The following ZNF639 variants were observed in gnomAD, a reference collection of about 807,000 sequenced individuals.
The protein encoded by ZNF639 is zinc finger protein 639, also known as zinc finger amplified in esophageal squamous cell carcinomas 1.
In ZNF639, 20 loss-of-function variants were observed where a neutral mutation model predicts 39.8. That is an observed-to-expected ratio of 0.50 (90% CI 0.35 to 0.73). ZNF639 has a LOEUF of 0.73. Ranked by LOEUF, ZNF639 falls within the 30% of genes least tolerant of loss-of-function variation. The pLI is 0.00. For missense variants in ZNF639, 477 were observed against 566.2 expected (o/e 0.84, Z 1.60); for synonymous variants, 176 against 189.8 (o/e 0.93, Z 0.60).
Position 179,334,045 on chromosome 3 carries a change from C to T in ZNF639, c.1081C>T (p.Leu361Phe). Residue 361 changes from leucine (L) to phenylalanine (F), a missense_variant, in exon 6 of 6, where the codon CTC becomes TTC. Physicochemically the swap from Leu to Phe is conservative, Grantham distance 22. Transcript: ENST00000496856. ...CAATGGTGAACATGGACAGTATAGC[C>T]TCTTAAGCAAAATTACCTTTGACAA... Reference protein sequence around the residue: ...YNNGEHGQYSLLSKITFDKCK... With the variant: ...YNNGEHGQYSFLSKITFDKCK... 2 of 1,613,912 alleles carry T rather than the reference C, an allele frequency of 1.2e-6. No individual in the cohort carries two copies. Among genetic ancestry groups the T allele is most frequent in the South Asian group, 2.2e-5 (2 of 91,022 alleles).
chr3:179,329,632 A>C lies in ZNF639; in HGVS notation c.73A>C (p.Ser25Arg). 1 of 1,601,620 alleles carries C rather than the reference A, an allele frequency of 6.2e-7. No homozygotes were observed. Among genetic ancestry groups the C allele is most frequent in the South Asian group, 1.1e-5 (1 of 89,630 alleles). The change falls in exon 4 of 6, where the codon AGC (serine) becomes CGC (arginine). Residue 25 changes from serine to arginine, a missense_variant. Coordinates refer to ENST00000496856, the MANE Select transcript of ZNF639 (RefSeq NM_001303426.2). ...TTTATGTTCAGATTCCTCTGGAATA[A>C]GCAGAATTGCAGATGGATTCAATGG... ...PSRYSDSSGI[S>R]RIADGFNGIF...
Position 179,323,379 on chromosome 3 carries a change from C to T in ZNF639, c.-83+88C>T, listed in dbSNP as rs1024365661. 1.1e-5 allele frequency: 11 copies of T among 985,462 alleles called. No homozygotes were observed. The African/African-American group carries it at 1.2e-4, about 11-fold the overall frequency. 61.0% of individuals were successfully genotyped at this position (985,462 alleles called of 1,614,324 possible). A position where few individuals can be genotyped will look rare whatever the true frequency, so the allele number is the denominator to read the frequency against. On this transcript the variant is annotated intron_variant, in intron 1 of 5. Coordinates refer to ENST00000496856, the MANE Select transcript of ZNF639 (RefSeq NM_001303426.2). ...GGGCGCATCTTCTAACGGGAGAGGG[C>T]GGGAGAGACCGGAGCTCCCTTTATA...
intron 1 of ZNF639, among the ~76,000 whole-genome samples, chr3:179,324,595 A>G (rs1269855443): frequency 1.3e-5 from 2 of 152,238 alleles, no homozygotes; most frequent in Non-Finnish European, 2.9e-5. Flanking sequence ...GGTCTTGAGT[A>G]GGCATCACCA....
At chr3:179,331,665 C>T (rs1727917067) in intron 4 of ZNF639, among the ~76,000 whole-genome samples, 1 of 150,908 alleles carries the variant, frequency 6.6e-6, no homozygotes, top group Non-Finnish European at 1.5e-5. Flanking sequence ...ATCCCAGCTA[C>T]TCGGGAGGCT....
intron 1 of ZNF639, among the ~76,000 whole-genome samples, chr3:179,325,545 T>A (rs1265585635): frequency 3.9e-5 from 6 of 152,248 alleles, no homozygotes; most frequent in Non-Finnish European, 7.3e-5. Context: ...CTCCTCCATG[T>A]ACCGCACAGG....
At chr3:179,331,468 A>G (rs768889248) in intron 4 of ZNF639, among the ~76,000 whole-genome samples, 1 of 152,126 alleles carries the variant, frequency 6.6e-6, no homozygotes, top group East Asian at 1.9e-4. Context: ...TACAAAAGGT[A>G]AAGTATGGAA....
intron 3 of ZNF639, among the ~76,000 whole-genome samples, chr3:179,329,080 A>G (rs990330563): frequency 6.6e-6 from 1 of 152,156 alleles, no homozygotes; most frequent in African/African-American, 2.4e-5. Context: ...GGCCATCTCT[A>G]ATACACCTCG....
In ZNF639 at chr3:179,333,937, G is replaced by T; in HGVS notation, c.973G>T (p.Glu325Ter). 6.2e-7 allele frequency: 1 copy of T among 1,614,152 alleles called. No individual in the cohort carries two copies. Among genetic ancestry groups the T allele is most frequent in the Non-Finnish European group, 8.5e-7 (1 of 1,180,030 alleles). Residue 325 changes from glutamate to a stop codon, truncating the protein, a stop_gained, in exon 6 of 6, where the codon GAA becomes TAA. Coordinates refer to ENST00000496856, the MANE Select transcript of ZNF639 (RefSeq NM_001303426.2). LOFTEE classifies it high-confidence loss of function. Reference protein sequence around the residue: ...EQYLCQFCEHETNDPEDLHSH... With the variant: ...EQYLCQFCEH ...GTACTTGTGTCAGTTCTGTGAACAT[G>T]AAACTAATGATCCAGAAGACTTGCA... is the stretch of plus-strand genomic sequence containing the variant.
In ZNF639 at chr3:179,333,395, T is replaced by G; in HGVS notation, c.431T>G (p.Val144Gly). Residue 144 changes from valine (V) to glycine (G), a missense_variant, in exon 6 of 6, where the codon GTG (valine) becomes GGG (glycine). By Grantham distance (109) the Val-to-Gly change is moderately radical. Transcript: ENST00000496856. ...GAAGATGTTCCAATTGCTGTAGAAG[T>G]GCATGCGATTTCTGAGGATTATGAT... ...TAEDVPIAVE[V>G]HAISEDYDIE... 1 of 1,614,106 alleles carries G rather than the reference T, an allele frequency of 6.2e-7. No individual in the cohort carries two copies. Among genetic ancestry groups the G allele is most frequent in the South Asian group, 1.1e-5 (1 of 91,078 alleles).
chr3:179,324,929 CTT>C (rs1430919449), intron 1 of ZNF639: 1 of 152,202 alleles, frequency 6.6e-6, no homozygotes, highest in African/African-American at 2.4e-5. Context: ...TAGCTCTTCT[CTT>C]TTTGATTTTT....
chr3:179,328,315 A>G lies in ZNF639; in HGVS notation c.22A>G (p.Arg8Gly). 6.3e-7 allele frequency: 1 copy of G among 1,586,328 alleles called. No homozygotes were observed. The highest frequency in any genetic ancestry group is 2.3e-5 in the East Asian group (1 of 44,426). The change falls in exon 3 of 6, where the codon AGA (arginine) becomes GGA (glycine). Residue 8 changes from arginine to glycine, a missense_variant. Arg to Gly is a moderately radical substitution (Grantham distance 125, BLOSUM62 -2). Transcript: ENST00000496856. The stretch of plus-strand genomic sequence containing the variant: ...AGATATGAATGAGTATCCTAAAAAA[A>G]GAAAAAGGAAGACTCTACACCCTTC... MNEYPKKRKRKTLHPSRY... is the reference protein window; with the variant it reads MNEYPKKGKRKTLHPSRY...
intron 1 of ZNF639, among the ~76,000 whole-genome samples, chr3:179,324,627 T>C (rs1424850476): frequency 1.3e-5 from 2 of 152,234 alleles, no homozygotes; most frequent in Non-Finnish European, 1.5e-5. Context: ...GGAAGTCCGA[T>C]AGACATTTGG....
intron 3 of ZNF639, 84 bp from the exon 4 acceptor site, chr3:179,329,534 C>T: frequency 1.3e-6 from 1 of 758,182 alleles, no homozygotes; most frequent in Non-Finnish European, 2.3e-6. Flanking sequence ...ACATTAAGAA[C>T]ATTTGTATAA....
Position 179,334,533 on chromosome 3 carries a change from A to G in ZNF639, c.*111A>G, listed in dbSNP as rs1388055839. On this transcript the variant is annotated 3_prime_UTR_variant, in exon 6 of 6. Coordinates refer to ENST00000496856, the MANE Select transcript of ZNF639 (RefSeq NM_001303426.2). The stretch of plus-strand genomic sequence containing the variant: ...CAACTTATGAAATCTGCCTTTAACA[A>G]GTAACTTTTTTAAATTATAAAATTT... 2.5e-6 allele frequency: 2 copies of G among 786,384 alleles called. No individual in the cohort carries two copies. Among genetic ancestry groups the G allele is most frequent in the African/African-American group, 3.6e-5 (2 of 55,234 alleles). 48.7% of individuals were successfully genotyped at this position (786,384 alleles called of 1,614,324 possible).
rs576170724 is a variant in ZNF639 at position 179,336,090 on chromosome 3, C to A, written c.*1668C>A. The A allele has an allele frequency of 6.6e-6, 1 of 152,094 alleles. No individual in the cohort carries two copies. Among genetic ancestry groups the A allele is most frequent in the African/African-American group, 2.4e-5 (1 of 41,410 alleles). The allele number at this position is 152,094 out of a possible 1,614,324, so 9.4% of individuals were successfully genotyped here. On this transcript the variant is annotated 3_prime_UTR_variant, in exon 6 of 6. Transcript: ENST00000496856. Reference sequence around the variant, plus strand: ...ACAGGCATGAGGCACCGCCCCAGGCCAAATTTCTTGTTTTTATAAAGACTC... The same window carrying A: ...ACAGGCATGAGGCACCGCCCCAGGCAAAATTTCTTGTTTTTATAAAGACTC...
chr3:179,338,134 T>G lies in ZNF639; in HGVS notation c.*3712T>G, dbSNP rs1048931685. 2.6e-5 allele frequency: 4 copies of G among 151,860 alleles called. No individual in the cohort carries two copies. The highest frequency in any genetic ancestry group is 5.9e-5 in the Non-Finnish European group (4 of 67,988). 9.4% of individuals were successfully genotyped at this position (151,860 alleles called of 1,614,324 possible). On this transcript the variant is annotated 3_prime_UTR_variant, in exon 6 of 6. Coordinates refer to ENST00000496856, the MANE Select transcript of ZNF639 (RefSeq NM_001303426.2). ...CTAAAAAAATTAACACTCCTGGTTT[T>G]GTTTTGTTTTTTGTTTTGTTTTACT...
chr3:179,327,393 A>G (rs1727657282), intron 1 of ZNF639, among the ~76,000 whole-genome samples, 168 bp from the exon 2 acceptor site: 1 of 152,250 alleles, frequency 6.6e-6, no homozygotes, highest in Non-Finnish European at 1.5e-5. Context: ...TCACATATTT[A>G]TCAAGATATA....
Position 179,333,862 on chromosome 3 carries a change from T to G in ZNF639, c.898T>G (p.Ser300Ala), listed in dbSNP as rs1275542869. 1 of 1,614,206 alleles carries G rather than the reference T, an allele frequency of 6.2e-7. No homozygotes were observed. Among genetic ancestry groups the G allele is most frequent in the Non-Finnish European group, 8.5e-7 (1 of 1,180,022 alleles). The change falls in exon 6 of 6, where the codon TCA becomes GCA. Residue 300 changes from serine (S) to alanine (A), a missense_variant. Transcript: ENST00000496856. ...WCEQCDVQFS[S>A]SSELYLHFQE... ...TGAACAGTGTGATGTACAGTTCTCC[T>G]CAAGCAGTGAACTCTACCTACATTT...
chr3:179,335,687 T>C lies in ZNF639; in HGVS notation c.*1265T>C, dbSNP rs1318992900. 2 of 151,998 alleles carry C rather than the reference T, an allele frequency of 1.3e-5. No homozygotes were observed. Among genetic ancestry groups the C allele is most frequent in the Non-Finnish European group, 2.9e-5 (2 of 68,018 alleles). The allele number at this position is 151,998 out of a possible 1,614,324, so 9.4% of individuals were successfully genotyped here. A position where few individuals can be genotyped will look rare whatever the true frequency, so the allele number is the denominator to read the frequency against. On this transcript the variant is annotated 3_prime_UTR_variant, in exon 6 of 6. Transcript: ENST00000496856. ...CTGAGGGTTGTGGGGGAAGGATCTGTTTCAGGTCTGTCCTTGGCTTGTAGA... is the reference window on the plus strand; with the variant it reads ...CTGAGGGTTGTGGGGGAAGGATCTGCTTCAGGTCTGTCCTTGGCTTGTAGA...
Sources: allele counts gnomAD v4.1 joint callset (sites outside exome capture counted in the v4.1 genomes callset), GRCh38; gene constraint gnomAD v4.1.1; transcripts MANE v1.5; gene names NCBI Gene and HGNC (gene_info 2026-07-23, HGNC 2026-07-21).